The following CTNND1 variants were observed in gnomAD, a reference collection of about 807,000 sequenced individuals.
CTNND1 encodes the protein catenin delta 1, also known as catenin delta-1.
Under a neutral mutation model 112.1 loss-of-function variants are expected in CTNND1, and 16 were observed. That is an observed-to-expected ratio of 0.14 (90% CI 0.10 to 0.22). CTNND1 has a LOEUF of 0.22. CTNND1 is among the 10% of genes least tolerant of loss of function. CTNND1 has a pLI of 1.00. For synonymous variants in CTNND1, 420 were observed against 446.5 expected (o/e 0.94, Z 0.75); for missense variants, 1,008 against 1,257.0 (o/e 0.80, Z 3.00).
At chr11:57,810,981 T>A (rs2063286146) in intron 16 of CTNND1, among the ~76,000 whole-genome samples, 1 of 151,180 alleles carries the variant, frequency 6.6e-6, no homozygotes, top group South Asian at 2.1e-4. Context: ...AAAAAAAAGA[T>A]TTGGTTTACT....
intron 1 of CTNND1, among the ~76,000 whole-genome samples, chr11:57,772,031 C>G (rs1952777364): frequency 6.6e-6 from 1 of 151,714 alleles, no homozygotes; most frequent in East Asian, 1.9e-4. Context: ...AAGCCATCCT[C>G]CCACCTCAGC....
In CTNND1 at chr11:57,818,832, G is replaced by A. The variant is rs145013935; in HGVS notation, c.*2524G>A. 8 of 152,196 alleles carry A rather than the reference G, an allele frequency of 5.3e-5. No homozygotes were observed. The East Asian group carries it at 1.5e-3, about 29-fold the overall frequency. The allele number at this position is 152,196 out of a possible 1,614,324, so 9.4% of individuals were successfully genotyped here. On this transcript the variant is annotated 3_prime_UTR_variant, in exon 21 of 21. Transcript: ENST00000399050. ...TAGCTCTCTTAAATATAACACTTAG[G>A]ACTAGAAGATTAGAAACTACCAATC...
In CTNND1 at chr11:57,803,768, G is replaced by GGGAATCGGT; in HGVS notation, c.1570_1578dup (p.Glu524_Val526dup). On this transcript the variant is annotated inframe_insertion, in exon 8 of 21. Coordinates refer to ENST00000399050, the MANE Select transcript of CTNND1 (RefSeq NM_001085458.2). ...GACTGTAAGCCACGCCACATTGAGT[G>GGGAATCGGT]GGAATCGGTGCTCACCAACACAGCT... 1 of 1,611,568 alleles carries GGGAATCGGT rather than the reference G, an allele frequency of 6.2e-7. No homozygotes were observed. Among genetic ancestry groups the GGGAATCGGT allele is most frequent in the South Asian group, 1.1e-5 (1 of 90,622 alleles).
In CTNND1 at chr11:57,815,917, G is replaced by A. The variant is rs1382594512; in HGVS notation, c.2811G>A (p.Gln937=). 4 of 1,607,676 alleles carry A rather than the reference G, an allele frequency of 2.5e-6. No individual in the cohort carries two copies. The East Asian group carries it at 6.7e-5, about 27-fold the overall frequency. ...TAACAAATTGCATGTGTTCACAGCA[G>A]GACGAGGGGCAGGAATCTCTGGAGG... ...EPLKGTTPLM[Q]DEGQESLEEE... Residue 937 remains glutamine (Q), a splice_region_variant and synonymous_variant, in exon 20 of 21, where the codon CAG becomes CAA. Transcript: ENST00000399050.
At chr11:57,794,130 T>A in intron 4 of CTNND1, 49 bp downstream of exon 4, 1 of 1,524,646 alleles carries the variant, frequency 6.6e-7, no homozygotes, top group South Asian at 1.1e-5. Context: ...ATTTTCTTAT[T>A]TCCCCAGCCT....
At chr11:57,790,469 C>CGCCTCCCTGATTTGT (rs2060588450) in intron 2 of CTNND1, among the ~76,000 whole-genome samples, 2 of 86,840 alleles carry the variant, frequency 2.3e-5, no homozygotes, top group South Asian at 3.8e-4. Flanking sequence ...CTGCAACCTC[C>CGCCTCCCTGATTTGT]GCTATTCTCC....
At chr11:57,768,135 G>A (rs1591125414) in intron 1 of CTNND1, among the ~76,000 whole-genome samples, 1 of 137,872 alleles carries the variant, frequency 7.3e-6, no homozygotes, top group Admixed American at 8.0e-5. Context: ...ATGCCCGTCC[G>A]AAGGTCTCTT....
chr11:57,780,489 A>T (rs2059459682), intron 1 of CTNND1, among the ~76,000 whole-genome samples: 1 of 152,214 alleles, frequency 6.6e-6, no homozygotes, highest in Admixed American at 6.5e-5. Context: ...GCAAGATACT[A>T]AATACTTCTG....
chr11:57,774,626 A>G (rs907916275), intron 1 of CTNND1, among the ~76,000 whole-genome samples: 2 of 152,232 alleles, frequency 1.3e-5, no homozygotes, highest in Non-Finnish European at 2.9e-5. Context: ...TTAGCAAGAA[A>G]GTCAGTGGGT....
intron 2 of CTNND1, among the ~76,000 whole-genome samples, chr11:57,790,377 C>G (rs1004813261): frequency 3.4e-5 from 5 of 148,970 alleles, no homozygotes; most frequent in African/African-American, 1.2e-4. Context: ...ACTTTCATTT[C>G]TTTCTTTCTT....
At chr11:57,791,784 C>A (rs1488929286) in intron 3 of CTNND1, 111 bp downstream of exon 3, 3 of 1,192,330 alleles carry the variant, frequency 2.5e-6, no homozygotes, top group East Asian at 3.0e-5. Context: ...GTCCAGTGCC[C>A]GTTCTTCCAG....
intron 1 of CTNND1, among the ~76,000 whole-genome samples, chr11:57,768,228 A>T (rs899854858): frequency 3.9e-5 from 6 of 151,972 alleles, no homozygotes; most frequent in Admixed American, 2.6e-4. Context: ...TAACTTTTAA[A>T]TTTTTTTAAT....
Position 57,819,513 on chromosome 11 carries a change from A to G in CTNND1, c.*3205A>G, listed in dbSNP as rs1402006214. 2 of 152,114 alleles carry G rather than the reference A, an allele frequency of 1.3e-5. No homozygotes were observed. The highest frequency in any genetic ancestry group is 2.4e-5 in the African/African-American group (1 of 41,414). The allele number at this position is 152,114 out of a possible 1,614,324, so 9.4% of individuals were successfully genotyped here. A position where few individuals can be genotyped will look rare whatever the true frequency, so the allele number is the denominator to read the frequency against. ...TCCTTCTGGATTGGTCCATTTGTTT[A>G]TCTCATTCAATAAATATTTGCCAAG... On this transcript the variant is annotated 3_prime_UTR_variant, in exon 21 of 21. Coordinates refer to ENST00000399050, the MANE Select transcript of CTNND1 (RefSeq NM_001085458.2).
intron 18 of CTNND1, among the ~76,000 whole-genome samples, 195 bp downstream of exon 18, chr11:57,814,568 A>G (rs551392562): frequency 2.6e-5 from 4 of 152,316 alleles, no homozygotes; most frequent in African/African-American, 7.2e-5. Context: ...ACATTCCTAC[A>G]TGCTCAAAGG....
At position 57,784,336 on chromosome 11, in the gene CTNND1, G is replaced by A. The variant is rs760077309; in HGVS notation, c.-213-4701G>A. ...AGGCAAGAGGATTGCTTGAGCCCAC[G>A]AGGTCCATGCTGTAGTGAGCTGTGA... On this transcript the variant is annotated intron_variant, in intron 1 of 20. Transcript: ENST00000399050. Among the ~76,000 whole-genome samples the A allele has an allele frequency of 4.0e-5, 6 of 150,496 alleles. No individual in the cohort carries two copies. The South Asian group carries it at 6.3e-4, about 16-fold the overall frequency.
chr11:57,793,613 A>G (rs571929262), intron 3 of CTNND1, among the ~76,000 whole-genome samples: 3 of 152,278 alleles, frequency 2.0e-5, no homozygotes, highest in East Asian at 1.9e-4. Flanking sequence ...CTTTCCTTAC[A>G]TTTTTATGGC....
chr11:57,763,144 C>T (rs1244393134), intron 1 of CTNND1, among the ~76,000 whole-genome samples: 1 of 152,060 alleles, frequency 6.6e-6, no homozygotes, highest in Admixed American at 6.6e-5. Context: ...CATGACTGTG[C>T]TTTCATATCT....
intron 1 of CTNND1, among the ~76,000 whole-genome samples, chr11:57,784,339 G>T (rs1440121464): frequency 6.7e-6 from 1 of 150,296 alleles, no homozygotes. Context: ...AGCCCACGAG[G>T]TCCATGCTGT....
rs772240397 is a variant in CTNND1 at position 57,808,160 on chromosome 11, T to C, written c.1964-5T>C. 42 of 1,606,606 alleles carry C rather than the reference T, an allele frequency of 2.6e-5. No individual in the cohort carries two copies. Among genetic ancestry groups the C allele is most frequent in the Non-Finnish European group, 3.5e-5 (41 of 1,174,046 alleles). On this transcript the variant is annotated splice_region_variant and splice_polypyrimidine_tract_variant and intron_variant, in intron 12 of 20. Transcript: ENST00000399050. ...ACCCTCTGCTTCTATTTCTCTTTTG[T>C]GCAGGCTATGAGCTCTTATTTCAGC...
Sources: allele counts gnomAD v4.1 joint callset (sites outside exome capture counted in the v4.1 genomes callset), GRCh38; gene constraint gnomAD v4.1.1; transcripts MANE v1.5; gene names NCBI Gene and HGNC (gene_info 2026-07-23, HGNC 2026-07-21).